Variants in TDRD7 observed in about 807,000 individuals in gnomAD.
The protein encoded by TDRD7 is tudor domain-containing protein 7.
Under a neutral mutation model 109.8 loss-of-function variants are expected in TDRD7, and 47 were observed. The ratio of observed to expected loss-of-function variants is 0.43; its 90% confidence interval spans 0.34 to 0.55. The LOEUF (loss-of-function observed/expected upper bound fraction) is 0.55. TDRD7 is among the 20% of genes least tolerant of loss of function. The pLI is 0.03. For missense variants in TDRD7, 1,164 were observed against 1,319.2 expected (o/e 0.88, Z 1.82); for synonymous variants, 424 against 457.3 (o/e 0.93, Z 0.93).
intron 1 of TDRD7, among the ~76,000 whole-genome samples, chr9:97,419,524 G>A (rs1012307159): frequency 2.6e-4 from 40 of 152,322 alleles, no homozygotes; most frequent in African/African-American, 7.9e-4. Context: ...TCTGGCAACC[G>A]TGAAGTATAG....
intron 15 of TDRD7, among the ~76,000 whole-genome samples, chr9:97,484,284 A>T (rs1359860691): frequency 6.6e-6 from 1 of 152,152 alleles, no homozygotes; most frequent in Non-Finnish European, 1.5e-5. Flanking sequence ...CTCCTCCCCA[A>T]AGCCCTGCAG....
Position 97,430,913 on chromosome 9 carries a change from A to G in TDRD7, c.208-20A>G, listed in dbSNP as rs772556011. The G allele has an allele frequency of 1.9e-6, 3 of 1,613,412 alleles. No individual in the cohort carries two copies. Among genetic ancestry groups the G allele is most frequent in the African/African-American group, 2.7e-5 (2 of 74,860 alleles). ...GAATCTGAGAAATGTTTCTCCTCTTACCCTGCCTCTAATGAATAGATTACC... is the reference window on the plus strand; with the variant it reads ...GAATCTGAGAAATGTTTCTCCTCTTGCCCTGCCTCTAATGAATAGATTACC... On this transcript the variant is annotated intron_variant, in intron 2 of 16. Transcript: ENST00000355295.
chr9:97,427,214 A>G lies in TDRD7; in HGVS notation c.-6-1246A>G, dbSNP rs532876351. On this transcript the variant is annotated intron_variant, in intron 1 of 16. Transcript: ENST00000355295. Reference sequence around the variant, plus strand: ...TGAATGTATCTCCTAGTATGTATCTATACATTCTCTGAATGTATCTCCTGA... The same window carrying G: ...TGAATGTATCTCCTAGTATGTATCTGTACATTCTCTGAATGTATCTCCTGA... 1.1e-4 allele frequency among the ~76,000 whole-genome samples: 16 copies of G among 152,256 alleles called. 1 individual carries two copies. Among genetic ancestry groups the G allele is most frequent in the African/African-American group, 3.6e-4 (15 of 41,546 alleles).
intron 2 of TDRD7, among the ~76,000 whole-genome samples, chr9:97,430,519 G>A (rs576951160): frequency 5.9e-5 from 9 of 152,110 alleles, no homozygotes; most frequent in African/African-American, 1.4e-4. Flanking sequence ...AAAGAGCCTC[G>A]CCATGTGACT....
intron 13 of TDRD7, 121 bp downstream of exon 13, chr9:97,478,694 A>G (rs905425506): frequency 7.0e-7 from 1 of 1,427,772 alleles, no homozygotes; most frequent in East Asian, 2.3e-5. Flanking sequence ...AAATTGTCCA[A>G]ATGTGGTTGT....
chr9:97,442,984 CAG>C (rs1828337485), intron 6 of TDRD7, among the ~76,000 whole-genome samples: 1 of 152,158 alleles, frequency 6.6e-6, no homozygotes, highest in Admixed American at 6.5e-5. Context: ...TTAGTAGAGA[CAG>C]GGTTTCACCA....
intron 14 of TDRD7, 109 bp downstream of exon 14, chr9:97,481,047 A>G: frequency 6.9e-6 from 6 of 866,486 alleles, no homozygotes; most frequent in Non-Finnish European, 1.2e-5. Flanking sequence ...GGATGCTTCC[A>G]CATCCAACAC....
intron 15 of TDRD7, among the ~76,000 whole-genome samples, chr9:97,484,409 T>C (rs1446232663): frequency 6.6e-6 from 1 of 151,762 alleles, no homozygotes; most frequent in Non-Finnish European, 1.5e-5. Flanking sequence ...CCAGCTTGCT[T>C]AGGAGAAATG....
At chr9:97,440,271 C>T (rs1828279405) in intron 5 of TDRD7, among the ~76,000 whole-genome samples, 1 of 152,180 alleles carries the variant, frequency 6.6e-6, no homozygotes, top group African/African-American at 2.4e-5. Context: ...CTGATAGGCA[C>T]ACATGTGTAC....
At chr9:97,487,381 A>C in intron 16 of TDRD7, 49 bp downstream of exon 16, 2 of 1,612,046 alleles carry the variant, frequency 1.2e-6, no homozygotes, top group Non-Finnish European at 1.7e-6. Flanking sequence ...CAATATTGTC[A>C]TTTTATCCTG....
At chr9:97,440,196 G>C (rs1462215691) in intron 5 of TDRD7, among the ~76,000 whole-genome samples, 1 of 152,186 alleles carries the variant, frequency 6.6e-6, no homozygotes, top group Non-Finnish European at 1.5e-5. Flanking sequence ...GCTTAAATTA[G>C]TATAAACTAC....
chr9:97,416,561 C>T (rs1331307127), intron 1 of TDRD7, among the ~76,000 whole-genome samples: 2 of 152,158 alleles, frequency 1.3e-5, no homozygotes, highest in Non-Finnish European at 2.9e-5. Flanking sequence ...AATCATGCTG[C>T]GGCCCTGACA....
intron 8 of TDRD7, among the ~76,000 whole-genome samples, chr9:97,466,106 A>G (rs968987956): frequency 6.6e-6 from 1 of 152,210 alleles, no homozygotes; most frequent in Admixed American, 6.5e-5. Flanking sequence ...TCCATGTGCC[A>G]CTATCAGCCG....
chr9:97,494,354 A>G (rs1829358918), intron 16 of TDRD7, among the ~76,000 whole-genome samples: 1 of 152,214 alleles, frequency 6.6e-6, no homozygotes, highest in Non-Finnish European at 1.5e-5. Flanking sequence ...CATTCTTTGC[A>G]TCAGTGCACC....
chr9:97,451,283 T>C (rs146693657), intron 6 of TDRD7, among the ~76,000 whole-genome samples: 216 of 152,070 alleles, frequency 1.4e-3, no homozygotes, highest in African/African-American at 5.0e-3. Flanking sequence ...ATATCTGCCA[T>C]ACACACACAC....
intron 1 of TDRD7, among the ~76,000 whole-genome samples, chr9:97,424,049 C>CTTTTTTTTTTTTTT (rs56369544): frequency 2.0e-5 from 1 of 48,866 alleles, no homozygotes; most frequent in East Asian, 6.8e-4. Context: ...CTTTTATATT[C>CTTTTTTTTTTTTTT]TTTTTTTTTT....
intron 2 of TDRD7, among the ~76,000 whole-genome samples, chr9:97,429,307 C>T (rs1320606085): frequency 2.6e-5 from 4 of 152,180 alleles, no homozygotes; most frequent in South Asian, 2.1e-4. Flanking sequence ...TCTTCCACTG[C>T]GACCTAGCAG....
intron 7 of TDRD7, among the ~76,000 whole-genome samples, chr9:97,461,231 T>C (rs1020098215): frequency 6.6e-6 from 1 of 152,156 alleles, no homozygotes; most frequent in African/African-American, 2.4e-5. Flanking sequence ...GTTCAAAATA[T>C]ACAGCTATCC....
intron 15 of TDRD7, among the ~76,000 whole-genome samples, chr9:97,485,350 A>C (rs1372537541): frequency 6.6e-6 from 1 of 152,198 alleles, no homozygotes; most frequent in African/African-American, 2.4e-5. Context: ...GAATTTTAGT[A>C]ATCTAGTCAA....
Sources: gnomAD v4.1 joint callset for allele counts (sites outside exome capture counted in the v4.1 genomes callset) on GRCh38, gnomAD v4.1.1 for gene constraint, MANE v1.5 for transcripts, NCBI Gene and HGNC (gene_info 2026-07-23, HGNC 2026-07-21) for gene names.